The following CIP2A variants were observed in gnomAD, a reference collection of about 807,000 sequenced individuals.
The protein encoded by CIP2A is cellular inhibitor of PP2A, also known as protein CIP2A.
A neutral mutation model predicts 110.9 loss-of-function variants in CIP2A; 103 were observed. The ratio of observed to expected loss-of-function variants is 0.93; its 90% CI spans 0.79 to 1.09. The LOEUF (loss-of-function observed/expected upper bound fraction) is 1.09. CIP2A is among the 50% of genes least tolerant of loss of function. The probability of loss-of-function intolerance (pLI) is 0.00; values close to 1 mark genes in which losing one functional copy is unlikely to be tolerated. For missense variants in CIP2A, 1,088 were observed against 1,038.4 expected (o/e 1.05, Z -0.66); for synonymous variants, 381 against 361.6 (o/e 1.05, Z -0.61).
chr3:108,585,262 C>A (rs763823137), intron 1 of CIP2A, 50 bp from the exon 2 acceptor site: 2 of 1,492,134 alleles, frequency 1.3e-6, no homozygotes, highest in Non-Finnish European at 1.8e-6. Flanking sequence ...CAATTTTCAT[C>A]TCTTCTCCAT....
chr3:108,584,953 A>C (rs543944026), intron 2 of CIP2A, 112 bp downstream of exon 2: 1 of 952,274 alleles, frequency 1.1e-6, no homozygotes, highest in East Asian at 2.6e-5. Context: ...CACTAGACTG[A>C]GAAGTCTTTG....
rs752865159 is a variant in CIP2A, at chr3:108,579,369, T to C, written c.730A>G (p.Asn244Asp). The change falls in exon 7 of 21, where the codon AAC (asparagine) becomes GAC (aspartate). Residue 244 changes from asparagine (N) to aspartate (D), a missense_variant. Transcript: ENST00000295746. The part of the protein sequence containing the change: ...TFQLIFNILI[N>D]GDGTLTRKYS... The stretch of plus-strand genomic sequence containing the variant: ...TTTCTAGTTAGAGTGCCATCACCGT[T>C]TATGAGAATATTAAATATTAGTTGA... 2.5e-6 allele frequency: 4 copies of C among 1,605,836 alleles called. No individual in the cohort carries two copies. Among genetic ancestry groups the C allele is most frequent in the Non-Finnish European group, 3.4e-6 (4 of 1,172,936 alleles).
chr3:108,562,443 C>T (rs369723752), intron 13 of CIP2A, among the ~76,000 whole-genome samples: 1 of 152,140 alleles, frequency 6.6e-6, no homozygotes, highest in Non-Finnish European at 1.5e-5. Flanking sequence ...GAATATCTTA[C>T]CTGTTTATCA....
chr3:108,567,674 T>C, intron 10 of CIP2A, among the ~76,000 whole-genome samples: 1 of 151,916 alleles, frequency 6.6e-6, no homozygotes, highest in East Asian at 1.9e-4. Context: ...ATTAAAGCAA[T>C]TATGAAGGCT....
At chr3:108,581,631 C>CAAA (rs556559445) in intron 4 of CIP2A, 120 bp from the exon 5 acceptor site, 11 of 467,622 alleles carry the variant, frequency 2.4e-5, no homozygotes, top group East Asian at 3.7e-5. Context: ...CTTTTACACG[C>CAAA]AAAAAAAAAA....
intron 3 of CIP2A, among the ~76,000 whole-genome samples, 192 bp downstream of exon 3, chr3:108,582,785 G>A (rs1938923187): frequency 6.6e-6 from 1 of 152,168 alleles, no homozygotes; most frequent in African/African-American, 2.4e-5. Context: ...TGATAGAAAT[G>A]GATAAGCTTC....
chr3:108,581,390 C>T, intron 5 of CIP2A, 25 bp downstream of exon 5: 1 of 1,488,386 alleles, frequency 6.7e-7, no homozygotes, highest in Non-Finnish European at 9.3e-7. Context: ...AAACAAGAAA[C>T]ATTAAAAAGA....
At chr3:108,565,763 A>G (rs1284169759) in intron 11 of CIP2A, among the ~76,000 whole-genome samples, 1 of 151,800 alleles carries the variant, frequency 6.6e-6, no homozygotes, top group African/African-American at 2.4e-5. Context: ...TAGCTTTGTC[A>G]CTAGAATATC....
intron 7 of CIP2A, among the ~76,000 whole-genome samples, chr3:108,578,896 T>C (rs1276580772): frequency 1.3e-5 from 2 of 152,154 alleles, no homozygotes; most frequent in Non-Finnish European, 2.9e-5. Context: ...TTCAACACTG[T>C]TTCATTTATT....
intron 8 of CIP2A, among the ~76,000 whole-genome samples, chr3:108,573,934 T>C (rs1335665944): frequency 6.6e-6 from 1 of 152,090 alleles, no homozygotes; most frequent in Non-Finnish European, 1.5e-5. Context: ...ATTACAGATC[T>C]ATATGTGAAA....
chr3:108,576,297 C>T lies in CIP2A; in HGVS notation c.868G>A (p.Gly290Arg). Residue 290 changes from glycine to arginine, a missense_variant, in exon 8 of 21, where the codon GGA (glycine) becomes AGA (arginine). Physicochemically the swap from Gly to Arg is moderately radical, Grantham distance 125. Coordinates refer to ENST00000295746, the MANE Select transcript of CIP2A (RefSeq NM_020890.3). ...CLHQVLGLLN[G>R]KDPDSSSKVL... is the part of the protein sequence containing the mutation. ...TTTGAAGAGGAATCAGGATCCTTTCCATTAAGAAGACCTAATACTTGGTGA... is the reference window on the plus strand; with the variant it reads ...TTTGAAGAGGAATCAGGATCCTTTCTATTAAGAAGACCTAATACTTGGTGA... 3 of 1,563,048 alleles carry T rather than the reference C, an allele frequency of 1.9e-6. No homozygotes were observed. The highest frequency in any genetic ancestry group is 1.7e-4 in the Middle Eastern group (1 of 5,882).
chr3:108,566,374 T>C, intron 11 of CIP2A, 123 bp downstream of exon 11: 1 of 680,494 alleles, frequency 1.5e-6, no homozygotes, highest in Non-Finnish European at 2.4e-6. Flanking sequence ...TATGAAAATA[T>C]GTTTGTTAAT....
chr3:108,582,970 T>A lies in CIP2A; in HGVS notation c.357+7A>T. 1.3e-6 allele frequency: 2 copies of A among 1,580,872 alleles called. No individual in the cohort carries two copies. Among genetic ancestry groups the A allele is most frequent in the Non-Finnish European group, 1.7e-6 (2 of 1,152,308 alleles). On this transcript the variant is annotated splice_region_variant and intron_variant, in intron 3 of 20. Coordinates refer to ENST00000295746, the MANE Select transcript of CIP2A (RefSeq NM_020890.3). Reference sequence around the variant, plus strand: ...GAAAGGGGAATACACTGTGTGGGTCTGTATACCTGCAAAAACACCGAATCA... The same window carrying A: ...GAAAGGGGAATACACTGTGTGGGTCAGTATACCTGCAAAAACACCGAATCA...
Position 108,569,514 on chromosome 3 carries a change from TG to T in CIP2A, c.987del (p.Thr330LeufsTer9), listed in dbSNP as rs772700350. 6.2e-7 allele frequency: 1 copy of T among 1,612,726 alleles called. No individual in the cohort carries two copies. Among genetic ancestry groups the T allele is most frequent in the South Asian group, 1.1e-5 (1 of 91,052 alleles). On this transcript the variant is annotated frameshift_variant, in exon 9 of 21. Transcript: ENST00000295746. LOFTEE classifies it high-confidence loss of function. The part of the protein sequence containing the change: ...MMFEQSPPGS[A>X]TLGSHTKCLE... ...AAACATTTAGTATGGCTTCCCAGAGTGGCGCTGCCAGGTGGAGACTGTTCAA... is the reference window on the plus strand; with the variant it reads ...AAACATTTAGTATGGCTTCCCAGAGTGCGCTGCCAGGTGGAGACTGTTCAA...
rs1938874018 is a variant in CIP2A, at chr3:108,581,454, A to G, written c.510T>C (p.Cys170=). The G allele has an allele frequency of 6.2e-7, 1 of 1,613,226 alleles. No homozygotes were observed. Among genetic ancestry groups the G allele is most frequent in the Non-Finnish European group, 8.5e-7 (1 of 1,179,452 alleles). The stretch of plus-strand genomic sequence containing the variant: ...GCGTTTGAACAGAAAGATTGTGCCG[A>G]CAAAGATTTGCCAATAATCCTAGAC... ...MPCLGLLANL[C]RHNLSVQTHI... Residue 170 remains cysteine (C), a synonymous_variant, in exon 5 of 21, where the codon TGT becomes TGC. Coordinates refer to ENST00000295746, the MANE Select transcript of CIP2A (RefSeq NM_020890.3).
rs1329409285 is a variant in CIP2A at position 108,552,387 on chromosome 3, A to G, written c.2408-14T>C. 2.0e-6 allele frequency: 3 copies of G among 1,487,044 alleles called. No individual in the cohort carries two copies. Among genetic ancestry groups the G allele is most frequent in the Non-Finnish European group, 2.7e-6 (3 of 1,103,380 alleles). 92.1% of individuals were successfully genotyped at this position (1,487,044 alleles called of 1,614,324 possible). On this transcript the variant is annotated splice_polypyrimidine_tract_variant and intron_variant, in intron 19 of 20. Transcript: ENST00000295746. The stretch of plus-strand genomic sequence containing the variant: ...TTTGATGCAAATCTTAAAAGAAAAA[A>G]AAGTCAAGTATTATACTCAGAGGTC...
chr3:108,582,004 T>C, intron 4 of CIP2A, 104 bp downstream of exon 4: 1 of 556,226 alleles, frequency 1.8e-6, no homozygotes, highest in Admixed American at 2.9e-5. Context: ...TCACTCAGTT[T>C]ATATGTTAGA....
At chr3:108,566,793 CAATTTA>C (rs1475802358) in intron 10 of CIP2A, 155 bp from the exon 11 acceptor site, 2 of 517,282 alleles carry the variant, frequency 3.9e-6, no homozygotes, top group East Asian at 6.8e-5. Flanking sequence ...GAAACTCACA[CAATTTA>C]AATGACTAGC....
chr3:108,589,357 A>G lies in CIP2A; in HGVS notation c.19T>C (p.Leu7=), dbSNP rs1404186383. 1.2e-6 allele frequency: 2 copies of G among 1,613,594 alleles called. No homozygotes were observed. The highest frequency in any genetic ancestry group is 2.2e-5 in the East Asian group (1 of 44,858). The change falls in exon 1 of 21, where the codon TTG becomes CTG. Residue 7 remains leucine, a synonymous_variant. Transcript: ENST00000295746. MDSTAC[L]KSLLLTVSQY... ...CTGACAGTCAGGAGCAAGGACTTCA[A>G]GCAGGCAGTGGAGTCCATTGCACCG...
Sources: gnomAD v4.1 joint callset for allele counts (sites outside exome capture counted in the v4.1 genomes callset) on GRCh38, gnomAD v4.1.1 for gene constraint, MANE v1.5 for transcripts, NCBI Gene and HGNC (gene_info 2026-07-23, HGNC 2026-07-21) for gene names.